ADCY10: variants seen among roughly 807,000 people sequenced by gnomAD.
ADCY10 encodes adenylate cyclase type 10.
In ADCY10, 156 loss-of-function variants were observed where a neutral mutation model predicts 183.3. The ratio of observed to expected loss-of-function variants is 0.85; its 90% CI spans 0.75 to 0.97. The LOEUF is 0.97. Ranked by LOEUF, ADCY10 falls within the 50% of genes least tolerant of loss-of-function variation. ADCY10 has a pLI of 0.00. For synonymous variants in ADCY10, 645 were observed against 670.0 expected, an observed-to-expected ratio of 0.96 and a Z score of 0.58; for missense variants, 1,745 against 1,934.3, an observed-to-expected ratio of 0.90 and a Z score of 1.84.
Position 167,860,617 on chromosome 1 carries a change from T to C in ADCY10, c.1809+254A>G, listed in dbSNP as rs73022116. ...ACTTTGTGTCCCAGAGTAGCTAGTATAGCTATGATAGAAAGGTAAGAAAAA... is the reference window on the plus strand; with the variant it reads ...ACTTTGTGTCCCAGAGTAGCTAGTACAGCTATGATAGAAAGGTAAGAAAAA... On this transcript the variant is annotated intron_variant, in intron 15 of 32. Transcript: ENST00000367851. Among the ~76,000 whole-genome samples, 2,674 of 152,238 alleles carry C rather than the reference T, an allele frequency of 0.018. 60 individuals carry two copies. Among genetic ancestry groups the C allele is most frequent in the African/African-American group, 0.053 (2,185 of 41,522 alleles).
chr1:167,901,727 A>G lies in ADCY10; in HGVS notation c.371T>C (p.Leu124Pro), dbSNP rs759284295. The change falls in exon 5 of 33, where the codon CTG becomes CCG. Residue 124 changes from leucine (L) to proline (P), a missense_variant. Transcript: ENST00000367851. ...GGTCTCAAACAATCCATGGATCTCCAGGCTACATTTAATTACCACTGTGAT... is the reference window on the plus strand; with the variant it reads ...GGTCTCAAACAATCCATGGATCTCCGGGCTACATTTAATTACCACTGTGAT... ...NIITVVIKCS[L>P]EIHGLFETQE... 1 of 1,614,164 alleles carries G rather than the reference A, an allele frequency of 6.2e-7. No individual in the cohort carries two copies. Among genetic ancestry groups the G allele is most frequent in the South Asian group, 1.1e-5 (1 of 91,088 alleles).
chr1:167,914,050 G>C lies in ADCY10; in HGVS notation c.-133C>G, dbSNP rs1571494308. ...GGTCTTTTAAGACTGCAGAAGACAG[G>C]AGAGGAGGCCGGGTGACATTATTCT... On this transcript the variant is annotated 5_prime_UTR_variant, in exon 1 of 33. Transcript: ENST00000367851. 6.6e-6 allele frequency: 1 copy of C among 152,310 alleles called. No homozygotes were observed. Among genetic ancestry groups the C allele is most frequent in the South Asian group, 2.1e-4 (1 of 4,836 alleles). The allele number at this position is 152,310 out of a possible 1,614,324, so 9.4% of individuals were successfully genotyped here.
chr1:167,907,145 T>C (rs972200160), intron 1 of ADCY10, among the ~76,000 whole-genome samples: 3 of 152,198 alleles, frequency 2.0e-5, no homozygotes, highest in Non-Finnish European at 4.4e-5. Context: ...ACAGGTGTAA[T>C]GTCAGTAATC....
At chr1:167,820,154 T>G (rs893905352) in intron 30 of ADCY10, 3 of 1,545,854 alleles carry the variant, frequency 1.9e-6, no homozygotes, top group African/African-American at 1.4e-5. Context: ...CTTAATTTCC[T>G]GCCCCGCAGA....
chr1:167,855,059 G>A (rs201308556), intron 17 of ADCY10, among the ~76,000 whole-genome samples: 1 of 152,242 alleles, frequency 6.6e-6, no homozygotes, highest in Non-Finnish European at 1.5e-5. Flanking sequence ...GGTGGCTCAC[G>A]CCTGTAATCC....
In ADCY10 at chr1:167,905,123, T is replaced by G; in HGVS notation, c.18A>C (p.Glu6Asp). ...TGACTATGGGCCAGTCCTGGAATTC[T>G]TCTTTTGGAGTGTTCATGTTCAAGA... is the stretch of plus-strand genomic sequence containing the variant. MNTPKEEFQDWPIVRI... is the reference protein window; with the variant it reads MNTPKDEFQDWPIVRI... Residue 6 changes from glutamate (E) to aspartate (D), a missense_variant, in exon 2 of 33, where the codon GAA (glutamate) becomes GAC (aspartate). Coordinates refer to ENST00000367851, the MANE Select transcript of ADCY10 (RefSeq NM_018417.6). The G allele has an allele frequency of 6.2e-7, 1 of 1,614,240 alleles. No homozygotes were observed. The highest frequency in any genetic ancestry group is 8.5e-7 in the Non-Finnish European group (1 of 1,180,044).
At chr1:167,897,997 CAAAAAAAAAAAAAA>C (rs1163013935) in intron 6 of ADCY10, among the ~76,000 whole-genome samples, 1 of 17,390 alleles carries the variant, frequency 5.8e-5, no homozygotes, top group African/African-American at 3.1e-4. Context: ...GACTCTGTCT[CAAAAAAAAAAAAAA>C]AAAAAAAAAA....
chr1:167,856,212 C>A lies in ADCY10; in HGVS notation c.2124G>T (p.Lys708Asn). ...GAVQPNDISN[K>N]ICLDLNVSCI... ...AGCTCACATTGAGGTCAAGACAGAT[C>A]TTGTTGGAGATGTCGTTAGGCTGTA... Residue 708 changes from lysine (K) to asparagine (N), a missense_variant, in exon 17 of 33, where the codon AAG becomes AAT. Coordinates refer to ENST00000367851, the MANE Select transcript of ADCY10 (RefSeq NM_018417.6). 1 of 1,613,872 alleles carries A rather than the reference C, an allele frequency of 6.2e-7. No homozygotes were observed. The highest frequency in any genetic ancestry group is 1.1e-5 in the South Asian group (1 of 91,070).
At chr1:167,813,463 G>A (rs1024016544) in intron 31 of ADCY10, among the ~76,000 whole-genome samples, 6 of 151,532 alleles carry the variant, frequency 4.0e-5, no homozygotes, top group African/African-American at 1.2e-4. Flanking sequence ...CAAAAACAAA[G>A]TTAATTACCA....
At chr1:167,886,358 C>T (rs969432599) in intron 8 of ADCY10, among the ~76,000 whole-genome samples, 3 of 152,086 alleles carry the variant, frequency 2.0e-5, no homozygotes, top group African/African-American at 7.2e-5. Flanking sequence ...AAATATAGAC[C>T]AATGGAATGG....
chr1:167,810,451 C>A (rs147345244), intron 32 of ADCY10, among the ~76,000 whole-genome samples: 2 of 152,096 alleles, frequency 1.3e-5, no homozygotes, highest in Non-Finnish European at 2.9e-5. Context: ...CTGGAGGGAG[C>A]AAATTTTCTT....
At chr1:167,842,672 G>A (rs1041343972) in intron 21 of ADCY10, among the ~76,000 whole-genome samples, 1 of 151,732 alleles carries the variant, frequency 6.6e-6, no homozygotes, top group Non-Finnish European at 1.5e-5. Context: ...TACTTGGTTT[G>A]TAATGGACAA....
chr1:167,811,600 A>AAAT (rs1662213406), intron 31 of ADCY10, among the ~76,000 whole-genome samples: 1 of 152,168 alleles, frequency 6.6e-6, no homozygotes, highest in South Asian at 2.1e-4. Context: ...ATAAATAAAT[A>AAAT]AATAAAGCTG....
chr1:167,885,759 C>A (rs1291289754), intron 8 of ADCY10, among the ~76,000 whole-genome samples: 1 of 151,982 alleles, frequency 6.6e-6, no homozygotes, highest in East Asian at 1.9e-4. Flanking sequence ...GGATTACAGG[C>A]GCCCACCACT....
intron 8 of ADCY10, among the ~76,000 whole-genome samples, chr1:167,884,002 G>A (rs931519920): frequency 6.6e-6 from 1 of 152,038 alleles, no homozygotes; most frequent in Non-Finnish European, 1.5e-5. Context: ...ATATATTTTT[G>A]TGTTACATGA....
intron 1 of ADCY10, among the ~76,000 whole-genome samples, chr1:167,912,778 T>C (rs1670234715): frequency 6.6e-6 from 1 of 152,234 alleles, no homozygotes; most frequent in Non-Finnish European, 1.5e-5. Flanking sequence ...AACCTTGGTG[T>C]TCCTCCACTC....
chr1:167,810,987 G>A (rs1481071506), intron 31 of ADCY10, 74 bp from the exon 32 acceptor site: 10 of 1,361,882 alleles, frequency 7.3e-6, no homozygotes, highest in Non-Finnish European at 9.4e-6. Flanking sequence ...TTCCTTCACA[G>A]ATGATTTGGG....
intron 26 of ADCY10, among the ~76,000 whole-genome samples, chr1:167,826,912 G>A (rs1006692394): frequency 1.8e-4 from 27 of 152,164 alleles, no homozygotes; most frequent in African/African-American, 6.3e-4. Flanking sequence ...CAATATGGCT[G>A]GGCTTGTGGC....
chr1:167,854,268 AATAGCTC>A, intron 18 of ADCY10, 78 bp downstream of exon 18: 2 of 1,542,880 alleles, frequency 1.3e-6, no homozygotes, highest in South Asian at 1.1e-5. Context: ...CAGCCTGTGG[AATAGCTC>A]ATTTTTGCTA....
Sources: gnomAD v4.1 joint callset for allele counts (sites outside exome capture counted in the v4.1 genomes callset) on GRCh38, gnomAD v4.1.1 for gene constraint, MANE v1.5 for transcripts, NCBI Gene and HGNC (gene_info 2026-07-23, HGNC 2026-07-21) for gene names.